Variants in GTF3C2 observed in about 807,000 individuals in gnomAD.
The protein encoded by GTF3C2 is general transcription factor 3C polypeptide 2.
Under a neutral mutation model 117.4 loss-of-function variants are expected in GTF3C2, and 17 were observed. That is an observed-to-expected ratio of 0.14 (90% confidence interval 0.10 to 0.22). The LOEUF is 0.22. Ranked by LOEUF, GTF3C2 falls within the 10% of genes least tolerant of loss-of-function variation. The pLI is 1.00. For missense variants in GTF3C2, 888 were observed against 1,143.6 expected (o/e 0.78, Z 3.22); for synonymous variants, 437 against 427.0 (o/e 1.02, Z -0.29).
At position 27,329,876 on chromosome 2, in the gene GTF3C2, T is replaced by G. The variant is rs551962332; in HGVS notation, c.1733-353A>C. ...AAGCATAGGTGGGGCACACGGTGGCTCATGCCTGTAATCTCAACACTGTGG... is the reference window on the plus strand; with the variant it reads ...AAGCATAGGTGGGGCACACGGTGGCGCATGCCTGTAATCTCAACACTGTGG... On this transcript the variant is annotated intron_variant, in intron 12 of 18. Transcript: ENST00000264720. This position sits in a 1 kb window ranked among gnomAD's most constrained non-coding sequence, Gnocchi z 4.5. Among the ~76,000 whole-genome samples the G allele has an allele frequency of 2.0e-5, 3 of 152,284 alleles. No homozygotes were observed. The South Asian group carries it at 6.2e-4, about 32-fold the overall frequency.
rs1558610566 is a variant in GTF3C2, at chr2:27,327,163, G to A, written c.2517+14C>T. Reference sequence around the variant, plus strand: ...GGGAAATGAGAGTGGAGGGTGGAGAGGATGAGAGACTACCTTATGAATAGC... The same window carrying A: ...GGGAAATGAGAGTGGAGGGTGGAGAAGATGAGAGACTACCTTATGAATAGC... On this transcript the variant is annotated intron_variant, in intron 18 of 18. Coordinates refer to ENST00000264720, the Ensembl canonical transcript of GTF3C2. 7 of 1,364,026 alleles carry A rather than the reference G, an allele frequency of 5.1e-6. No homozygotes were observed. The highest frequency in any genetic ancestry group is 5.2e-6 in the Non-Finnish European group (5 of 955,166). The allele number at this position is 1,364,026 out of a possible 1,614,324, so 84.5% of individuals were successfully genotyped here. A position where few individuals can be genotyped will look rare whatever the true frequency, so the allele number is the denominator to read the frequency against.
chr2:27,348,269 G>A (rs1422656886), intron 1 of GTF3C2, among the ~76,000 whole-genome samples: 1 of 124,382 alleles, frequency 8.0e-6, no homozygotes, highest in Admixed American at 8.5e-5. Flanking sequence ...TCCGTCTGAG[G>A]GAAAAAAAAA....
chr2:27,337,653 TG>T, intron 5 of GTF3C2, 95 bp from the exon 6 acceptor site: 1 of 890,066 alleles, frequency 1.1e-6, no homozygotes, highest in Non-Finnish European at 1.9e-6. Context: ...ATCCATTATC[TG>T]TGCTCCCCAA....
chr2:27,335,062 C>T (rs1431494137), intron 10 of GTF3C2, among the ~76,000 whole-genome samples: 1 of 152,236 alleles, frequency 6.6e-6, no homozygotes, highest in Admixed American at 6.5e-5. Context: ...AGGGCTCCAG[C>T]CTGGGTGCCC....
chr2:27,327,379 G>C, intron 17 of GTF3C2, 95 bp from the exon 18 acceptor site: 3 of 611,996 alleles, frequency 4.9e-6, no homozygotes, highest in Non-Finnish European at 8.8e-6. Context: ...CTGGAGTGCA[G>C]TGGCGCGATC....
chr2:27,337,896 T>C lies in GTF3C2; in HGVS notation c.950+30A>G, dbSNP rs200843760. The C allele has an allele frequency of 3.0e-5, 40 of 1,344,192 alleles. No individual in the cohort carries two copies. The African/African-American group carries it at 5.2e-4, about 17-fold the overall frequency. The allele number at this position is 1,344,192 out of a possible 1,614,324, so 83.3% of individuals were successfully genotyped here. A position where few individuals can be genotyped will look rare whatever the true frequency, so the allele number is the denominator to read the frequency against. Reference sequence around the variant, plus strand: ...TTGCACTCCTCTACCACCCCTTTATTAACCCCAGCCCCCTGTCCCCAAGTC... The same window carrying C: ...TTGCACTCCTCTACCACCCCTTTATCAACCCCAGCCCCCTGTCCCCAAGTC... On this transcript the variant is annotated intron_variant, in intron 5 of 18. Transcript: ENST00000264720.
rs549799387 is a variant in GTF3C2 at position 27,352,464 on chromosome 2, T to C, written c.-25+4275A>G. 2.0e-5 allele frequency among the ~76,000 whole-genome samples: 3 copies of C among 152,268 alleles called. No homozygotes were observed. The East Asian group carries it at 5.8e-4, about 29-fold the overall frequency. ...TTCATTCACTCTCTAACACCAAACC[T>C]TTCACTTGTGTTCTAGCCCCATTCC... is the stretch of plus-strand genomic sequence containing the variant. On this transcript the variant is annotated intron_variant, in intron 1 of 18. Coordinates refer to ENST00000264720, the Ensembl canonical transcript of GTF3C2.
chr2:27,335,790 T>C (rs1680445635), intron 9 of GTF3C2, 84 bp from the exon 10 acceptor site: 1 of 1,101,584 alleles, frequency 9.1e-7, no homozygotes. Flanking sequence ...TGAAATACTG[T>C]ATGAAGTTGC....
chr2:27,343,754 T>G (rs1680826354), intron 1 of GTF3C2, 176 bp from the exon 2 acceptor site: 1 of 567,694 alleles, frequency 1.8e-6, no homozygotes, highest in South Asian at 2.1e-5. Flanking sequence ...TTCTGGAAAC[T>G]GGTAATATGA....
chr2:27,350,517 G>A, intron 1 of GTF3C2: 7 of 985,670 alleles, frequency 7.1e-6, no homozygotes, highest in Non-Finnish European at 8.4e-6. Context: ...ATCATGTGCT[G>A]GGCTGGGCGC....
intron 7 of GTF3C2, 103 bp downstream of exon 7, chr2:27,337,141 G>C: frequency 1.5e-6 from 1 of 687,264 alleles, no homozygotes. Flanking sequence ...AACTGAACCA[G>C]CATCAGGGGA....
intron 1 of GTF3C2, among the ~76,000 whole-genome samples, chr2:27,347,859 C>T (rs928309518): frequency 6.6e-6 from 1 of 152,146 alleles, no homozygotes; most frequent in East Asian, 1.9e-4. Context: ...TAGGGCAGGA[C>T]CCAGTGGCTC....
At chr2:27,335,011 C>A (rs907262127) in intron 10 of GTF3C2, among the ~76,000 whole-genome samples, 6 of 152,156 alleles carry the variant, frequency 3.9e-5, no homozygotes. Flanking sequence ...TCTATTACCT[C>A]CTCAACCCAC....
intron 12 of GTF3C2, among the ~76,000 whole-genome samples, chr2:27,330,477 A>G (rs945538683): frequency 3.9e-5 from 6 of 151,996 alleles, no homozygotes; most frequent in African/African-American, 1.4e-4. Flanking sequence ...AAAAGAAAAA[A>G]AAAAGAAAAT....
intron 3 of GTF3C2, 101 bp from the exon 4 acceptor site, chr2:27,342,334 C>T: frequency 1.2e-6 from 1 of 866,802 alleles, no homozygotes; most frequent in Non-Finnish European, 1.7e-6. Flanking sequence ...CCCAATAACC[C>T]CATGATTAAC....
chr2:27,356,343 C>G (rs970782718), intron 1 of GTF3C2: 2 of 340,004 alleles, frequency 5.9e-6, no homozygotes, highest in African/African-American at 4.3e-5. Context: ...ACCTGCCCTT[C>G]TTCAGTCCTG....
intron 1 of GTF3C2, among the ~76,000 whole-genome samples, chr2:27,354,707 G>C (rs1681264463): frequency 6.6e-6 from 1 of 152,152 alleles, no homozygotes; most frequent in Non-Finnish European, 1.5e-5. Context: ...GTTGCAGTGA[G>C]CCGATATCAC....
At chr2:27,326,583 G>T in exon 19 of GTF3C2, 1 of 919,012 alleles carries the variant, frequency 1.1e-6, no homozygotes, top group Non-Finnish European at 1.7e-6. Context: ...CATGATCACT[G>T]TCCAGGGAAG....
intron 3 of GTF3C2, chr2:27,342,514 G>A (rs975009583): frequency 3.7e-6 from 2 of 536,752 alleles, no homozygotes; most frequent in African/African-American, 1.9e-5. Context: ...GAACACAGAG[G>A]GCAAGAGAAA....
Sources: gnomAD v4.1 joint callset for allele counts (sites outside exome capture counted in the v4.1 genomes callset) on GRCh38, gnomAD v4.1.1 for gene constraint, Gnocchi (gnomAD v3.1) non-coding constraint, MANE v1.5 for transcripts, NCBI Gene and HGNC (gene_info 2026-07-23, HGNC 2026-07-21) for gene names.